BICRAL: variants seen among roughly 807,000 people sequenced by gnomAD.
BICRAL encodes the protein BRD4-interacting chromatin-remodeling complex-associated protein-like.
A neutral mutation model predicts 91.8 loss-of-function variants in BICRAL; 8 were observed. The ratio of observed to expected loss-of-function variants is 0.09; its 90% CI spans 0.05 to 0.16. The LOEUF (loss-of-function observed/expected upper bound fraction) is 0.16, where lower values mean the gene tolerates loss of function less well. BICRAL is among the 10% of genes least tolerant of loss of function. BICRAL has a pLI of 1.00. For synonymous variants in BICRAL, 445 were observed against 491.1 expected (o/e 0.91, Z 1.24); for missense variants, 1,038 against 1,310.9 (o/e 0.79, Z 3.21).
At chr6:42,787,906 T>C (rs928194808) in intron 1 of BICRAL, among the ~76,000 whole-genome samples, 20 of 151,666 alleles carry the variant, frequency 1.3e-4, no homozygotes, top group African/African-American at 4.8e-4. Flanking sequence ...TTTTTAATTT[T>C]TTTTTAAGAC....
At chr6:42,807,333 G>C (rs990871565) in intron 1 of BICRAL, among the ~76,000 whole-genome samples, 7 of 151,560 alleles carry the variant, frequency 4.6e-5, no homozygotes, top group Non-Finnish European at 2.9e-5. Flanking sequence ...ACAGGCGCCC[G>C]CCACCATGCC....
intron 1 of BICRAL, among the ~76,000 whole-genome samples, chr6:42,759,476 T>C (rs980176379): frequency 3.3e-5 from 5 of 152,004 alleles, no homozygotes; most frequent in Non-Finnish European, 7.4e-5. Context: ...GGAGTAAAGA[T>C]AGAGGAAAGA....
intron 1 of BICRAL, among the ~76,000 whole-genome samples, chr6:42,787,614 G>A (rs534349342): frequency 1.2e-4 from 19 of 152,216 alleles, no homozygotes; most frequent in African/African-American, 4.6e-4. Context: ...CATTAAAGTG[G>A]GAGAGTATTT....
At chr6:42,775,735 T>A (rs1762799247) in intron 1 of BICRAL, among the ~76,000 whole-genome samples, 1 of 152,158 alleles carries the variant, frequency 6.6e-6, no homozygotes, top group African/African-American at 2.4e-5. Flanking sequence ...GGAGTTCAGA[T>A]TTTTTTTAAG....
chr6:42,857,614 A>AAAAAAAAAAAAAATATATATATAT, intron 10 of BICRAL, among the ~76,000 whole-genome samples: 6 of 96,218 alleles, frequency 6.2e-5, no homozygotes, highest in African/African-American at 3.9e-4. Context: ...AAAAAAAAAA[A>AAAAAAAAAAAAAATATATATATAT]ATATATATAT....
intron 1 of BICRAL, among the ~76,000 whole-genome samples, chr6:42,763,716 G>T (rs1398959283): frequency 6.6e-6 from 1 of 151,928 alleles, no homozygotes. Flanking sequence ...AGGTACTTGG[G>T]AGGCTAAGGC....
chr6:42,775,198 G>C (rs1326815157), intron 1 of BICRAL, among the ~76,000 whole-genome samples: 1 of 152,198 alleles, frequency 6.6e-6, no homozygotes, highest in African/African-American at 2.4e-5. Context: ...GCTTCCCAAA[G>C]TGCTGGGATC....
chr6:42,747,799 TATTTTG>T (rs1562444441), intron 1 of BICRAL, among the ~76,000 whole-genome samples: 3 of 146,570 alleles, frequency 2.0e-5, no homozygotes, highest in Admixed American at 6.8e-5. Context: ...TTTTTTGTTT[TATTTTG>T]TTTTTTTTTT....
Position 42,788,550 on chromosome 6 carries a change from C to T in BICRAL, c.-102+6449C>T, listed in dbSNP as rs1325065155. Among the ~76,000 whole-genome samples the T allele has an allele frequency of 2.6e-4, 40 of 152,144 alleles. 1 individual carries two copies. Among genetic ancestry groups the T allele is most frequent in the Admixed American group, 2.5e-3 (38 of 15,268 alleles). On this transcript the variant is annotated intron_variant, in intron 1 of 12. Coordinates refer to ENST00000314073, the MANE Select transcript of BICRAL (RefSeq NM_001393499.1). ...AGCAGCATTCTTAAGGAATTCAAGA[C>T]ACAGGAAGAACACTTGCCTTTAGTG...
At chr6:42,786,464 A>G (rs959105835) in intron 1 of BICRAL, among the ~76,000 whole-genome samples, 1 of 142,894 alleles carries the variant, frequency 7.0e-6, no homozygotes, top group Admixed American at 6.9e-5. Context: ...CTAAAATCCA[A>G]TAAAGCTTGA....
upstream of BICRAL, among the ~76,000 whole-genome samples, chr6:42,779,353 G>A (rs1762852757): frequency 1.3e-5 from 2 of 151,272 alleles, no homozygotes; most frequent in Non-Finnish European, 2.9e-5. Flanking sequence ...ATGGACTCTT[G>A]AAATGTAATT....
At chr6:42,851,179 C>G (rs769310138) in intron 6 of BICRAL, among the ~76,000 whole-genome samples, 30 of 151,714 alleles carry the variant, frequency 2.0e-4, no homozygotes, top group Non-Finnish European at 1.2e-4. Flanking sequence ...AGAGAGACTC[C>G]GTCTCAAAAA....
rs16896105 is a variant in BICRAL at position 42,841,584 on chromosome 6, C to T, written c.1840-10508C>T. On this transcript the variant is annotated intron_variant, in intron 6 of 12. Transcript: ENST00000314073. ...TCAGCCTGCCTTCCTTATGTGGAAC[C>T]GTTGTATTTTCAGACGTCTGGACTT... Among the ~76,000 whole-genome samples, 3 of 152,154 alleles carry T rather than the reference C, an allele frequency of 2.0e-5. No homozygotes were observed. In the South Asian group the frequency reaches 6.2e-4, roughly 32 times the overall value.
At chr6:42,797,235 A>G (rs1763441772) in intron 1 of BICRAL, among the ~76,000 whole-genome samples, 1 of 152,120 alleles carries the variant, frequency 6.6e-6, no homozygotes, top group Non-Finnish European at 1.5e-5. Context: ...TTAGGTGGAA[A>G]AGAACCAATT....
At chr6:42,774,529 C>A (rs1294716054) in intron 1 of BICRAL, among the ~76,000 whole-genome samples, 1 of 152,142 alleles carries the variant, frequency 6.6e-6, no homozygotes, top group Non-Finnish European at 1.5e-5. Flanking sequence ...CTCTGAACAT[C>A]CTCCTGATTG....
chr6:42,788,697 C>T (rs1474646622), intron 1 of BICRAL, among the ~76,000 whole-genome samples: 1 of 152,184 alleles, frequency 6.6e-6, no homozygotes, highest in African/African-American at 2.4e-5. Context: ...AAGTCTGAGG[C>T]AAGGCCGGTG....
chr6:42,774,326 G>T (rs1302809235), intron 1 of BICRAL, among the ~76,000 whole-genome samples: 3 of 152,154 alleles, frequency 2.0e-5, no homozygotes, highest in African/African-American at 7.2e-5. Context: ...TCCAGGGGTT[G>T]GTCTAGGGGA....
intron 6 of BICRAL, among the ~76,000 whole-genome samples, chr6:42,841,433 C>T (rs1373975547): frequency 1.3e-5 from 2 of 151,978 alleles, no homozygotes; most frequent in African/African-American, 2.4e-5. Flanking sequence ...GTGATCCTCC[C>T]GTCTCACCCT....
intron 1 of BICRAL, among the ~76,000 whole-genome samples, chr6:42,805,597 A>G (rs201200195): frequency 2.0e-5 from 3 of 152,216 alleles, no homozygotes; most frequent in East Asian, 3.9e-4. Flanking sequence ...CTGAGTTCCT[A>G]TTATGTGCCA....
Sources: gnomAD v4.1 joint callset for allele counts (sites outside exome capture counted in the v4.1 genomes callset) on GRCh38, gnomAD v4.1.1 for gene constraint, MANE v1.5 for transcripts, NCBI Gene and HGNC (gene_info 2026-07-23, HGNC 2026-07-21) for gene names.